ZNF254: variants seen among roughly 807,000 people sequenced by gnomAD.
ZNF254 encodes the protein CTD-2017D11.1.
In ZNF254, 10 loss-of-function variants were observed where a neutral mutation model predicts 12.4. That is an observed-to-expected ratio of 0.80 (90% CI 0.50 to 1.36). The LOEUF (loss-of-function observed/expected upper bound fraction) is 1.36. Among genes scored for constraint, ZNF254 ranks in the 40% most tolerant of loss-of-function variants. The pLI, the probability that ZNF254 is intolerant of heterozygous loss-of-function variation, is 0.00. For missense variants in ZNF254, 996 were observed against 763.9 expected, an observed-to-expected ratio of 1.30 and a Z score of -3.58; for synonymous variants, 305 against 253.4, an observed-to-expected ratio of 1.20 and a Z score of -1.93.
At chr19:24,103,533 C>G (rs1351452651) in intron 1 of ZNF254, among the ~76,000 whole-genome samples, 1 of 152,144 alleles carries the variant, frequency 6.6e-6, no homozygotes, top group Non-Finnish European at 1.5e-5. Context: ...AGTTTCTGTT[C>G]TGGGTGAAAG....
intron 1 of ZNF254, among the ~76,000 whole-genome samples, chr19:24,041,438 A>G (rs528276303): frequency 6.6e-6 from 1 of 152,350 alleles, no homozygotes; most frequent in South Asian, 2.1e-4. Context: ...GCCCCGGGCA[A>G]TGGGGGACTT....
chr19:24,101,181 A>G (rs1442726296), intron 1 of ZNF254, among the ~76,000 whole-genome samples: 2 of 151,984 alleles, frequency 1.3e-5, no homozygotes, highest in Non-Finnish European at 2.9e-5. Flanking sequence ...ATTATTTAGA[A>G]TTTTCTAGAG....
intron 1 of ZNF254, among the ~76,000 whole-genome samples, chr19:24,043,267 A>ATT (rs5827564): frequency 3.1e-4 from 46 of 149,404 alleles, no homozygotes; most frequent in African/African-American, 2.5e-4. Flanking sequence ...CCAAAAAAAA[A>ATT]TTTTTTTTTT....
intron 1 of ZNF254, among the ~76,000 whole-genome samples, chr19:24,033,819 T>C: frequency 6.6e-6 from 1 of 152,188 alleles, no homozygotes; most frequent in East Asian, 1.9e-4. Context: ...CGGCGCCCAG[T>C]CTGGAGCTCC....
chr19:24,054,855 A>T (rs1240939882), intron 2 of ZNF254, among the ~76,000 whole-genome samples: 2 of 152,108 alleles, frequency 1.3e-5, no homozygotes, highest in Non-Finnish European at 2.9e-5. Flanking sequence ...GTGCTTACAA[A>T]CATGATTTTA....
intron 1 of ZNF254, among the ~76,000 whole-genome samples, chr19:24,103,309 A>G (rs1973140371): frequency 3.9e-5 from 6 of 152,210 alleles, no homozygotes; most frequent in Admixed American, 3.9e-4. Context: ...GAGTGACACC[A>G]GCATTGACAG....
chr19:24,036,444 T>C (rs2145162761), intron 1 of ZNF254, among the ~76,000 whole-genome samples: 1 of 152,292 alleles, frequency 6.6e-6, no homozygotes, highest in African/African-American at 2.4e-5. Flanking sequence ...TTATAGGAAC[T>C]GGCTCAGAAG....
At chr19:24,110,485 G>C (rs1298896220) in intron 3 of ZNF254, among the ~76,000 whole-genome samples, 1 of 151,928 alleles carries the variant, frequency 6.6e-6, no homozygotes, top group Non-Finnish European at 1.5e-5. Flanking sequence ...AGGATTAGTT[G>C]AGCCTGGGAT....
Position 24,100,827 on chromosome 19 carries a change from C to CTT in ZNF254, c.31-5096_31-5095dup, listed in dbSNP as rs1199496892. ...TCTACTTATATTCATGTTGTGTCAG[C>CTT]TTTTTTTTTTTTTTTTTTAGATGTG... On this transcript the variant is annotated intron_variant, in intron 1 of 3. Coordinates refer to ENST00000357002, the MANE Select transcript of ZNF254 (RefSeq NM_203282.4). Among the ~76,000 whole-genome samples the CTT allele has an allele frequency of 6.0e-3, 784 of 129,860 alleles. 11 individuals are homozygous for CTT. The highest frequency in any genetic ancestry group is 0.018 in the African/African-American group (625 of 34,702). 85.2% of individuals were successfully genotyped at this position (129,860 alleles called of 152,430 possible). A position where few individuals can be genotyped will look rare whatever the true frequency, so the allele number is the denominator to read the frequency against.
At chr19:24,117,026 A>C (rs1000068731) in intron 3 of ZNF254, among the ~76,000 whole-genome samples, 18 of 152,266 alleles carry the variant, frequency 1.2e-4, no homozygotes, top group African/African-American at 4.1e-4. Flanking sequence ...GTGAACCGCG[A>C]ATACTGCTGT....
At chr19:24,125,403 A>G (rs1390577488) in intron 3 of ZNF254, among the ~76,000 whole-genome samples, 2 of 151,776 alleles carry the variant, frequency 1.3e-5, no homozygotes, top group Non-Finnish European at 2.9e-5. Context: ...ATTAAAATTA[A>G]TGTATACATC....
At chr19:24,056,426 G>A (rs1401375820) in intron 2 of ZNF254, among the ~76,000 whole-genome samples, 2 of 152,110 alleles carry the variant, frequency 1.3e-5, no homozygotes, top group Admixed American at 6.6e-5. Context: ...AACAAGTGTG[G>A]TTCTTCTTCC....
At chr19:24,092,819 T>C (rs892037204) in intron 1 of ZNF254, among the ~76,000 whole-genome samples, 1 of 152,264 alleles carries the variant, frequency 6.6e-6, no homozygotes, top group African/African-American at 2.4e-5. Flanking sequence ...TCTTTGGGTA[T>C]ATACCCAATT....
Position 24,127,283 on chromosome 19 carries a change from A to G in ZNF254, c.1283A>G (p.His428Arg), listed in dbSNP as rs1974940326. 6.2e-7 allele frequency: 1 copy of G among 1,613,514 alleles called. No homozygotes were observed. The highest frequency in any genetic ancestry group is 8.5e-7 in the Non-Finnish European group (1 of 1,179,846). The change falls in exon 4 of 4, where the codon CAT becomes CGT. Residue 428 changes from histidine (H) to arginine (R), a missense_variant. Transcript: ENST00000357002. The stretch of plus-strand genomic sequence containing the variant: ...AATCTTACTACACATAAGATAATTC[A>G]TACTGGAGAGAAACCTTACAAGTGT... ...SSNLTTHKIIHTGEKPYKCEE... is the reference protein window; with the variant it reads ...SSNLTTHKIIRTGEKPYKCEE...
chr19:24,077,700 G>A (rs1215286943), intron 2 of ZNF254, among the ~76,000 whole-genome samples: 1 of 152,092 alleles, frequency 6.6e-6, no homozygotes, highest in African/African-American at 2.4e-5. Context: ...ACCCAAGGTG[G>A]CCATGCCATG....
Position 24,072,105 on chromosome 19 carries a change from G to A in ZNF254, c.-94+25826G>A, listed in dbSNP as rs574648033. Among the ~76,000 whole-genome samples the A allele has an allele frequency of 2.0e-5, 3 of 151,808 alleles. No individual in the cohort carries two copies. The South Asian group carries it at 6.3e-4, about 32-fold the overall frequency. On this transcript the variant is annotated intron_variant, in intron 2 of 4. Transcript: ENST00000613065. ...TTTTCTACTTGAGCTCTGTATAAAGGGGGGATTGTGACATATCACTGGACC... is the reference window on the plus strand; with the variant it reads ...TTTTCTACTTGAGCTCTGTATAAAGAGGGGATTGTGACATATCACTGGACC...
chr19:24,069,868 C>T (rs1971420249), intron 2 of ZNF254, among the ~76,000 whole-genome samples: 1 of 152,298 alleles, frequency 6.6e-6, no homozygotes, highest in African/African-American at 2.4e-5. Flanking sequence ...AGGAGAATCA[C>T]TTGAACCCAG....
At chr19:24,115,117 C>T (rs1291139881) in intron 3 of ZNF254, among the ~76,000 whole-genome samples, 3 of 152,122 alleles carry the variant, frequency 2.0e-5, no homozygotes, top group East Asian at 1.9e-4. Context: ...GTCAGTGTGG[C>T]GATTCCTCAG....
intron 1 of ZNF254, among the ~76,000 whole-genome samples, chr19:24,090,942 GA>G (rs1408989538): frequency 3.1e-5 from 4 of 128,946 alleles, no homozygotes; most frequent in African/African-American, 1.2e-4. Flanking sequence ...ATGGAGGAGT[GA>G]TTTTTTTTTT....
Sources: allele counts gnomAD v4.1 joint callset (sites outside exome capture counted in the v4.1 genomes callset), GRCh38; gene constraint gnomAD v4.1.1; transcripts MANE v1.5; gene names NCBI Gene and HGNC (gene_info 2026-07-23, HGNC 2026-07-21).